LRRTM4: variants seen among roughly 807,000 people sequenced by gnomAD.
The protein encoded by LRRTM4 is leucine-rich repeat transmembrane neuronal protein 4.
In LRRTM4, 25 loss-of-function variants were observed where a neutral mutation model predicts 47.6. That is an observed-to-expected ratio of 0.53 (90% CI 0.38 to 0.73). The LOEUF (loss-of-function observed/expected upper bound fraction) is 0.73. Among genes scored for constraint, LRRTM4 ranks in the 30% least tolerant of loss-of-function variants. The pLI, the probability that LRRTM4 is intolerant of heterozygous loss-of-function variation, is 0.00. For missense variants in LRRTM4, 638 were observed against 713.4 expected (o/e 0.89, Z 1.20); for synonymous variants, 311 against 269.5 (o/e 1.15, Z -1.51).
chr2:77,124,215 A>T (rs2103961700), intron 3 of LRRTM4, among the ~76,000 whole-genome samples: 1 of 152,276 alleles, frequency 6.6e-6, no homozygotes, highest in African/African-American at 2.4e-5. Context: ...AAAAAAACAA[A>T]GAGATCCAAA....
At chr2:76,796,156 G>C (rs1230963251) in intron 3 of LRRTM4, among the ~76,000 whole-genome samples, 3 of 144,202 alleles carry the variant, frequency 2.1e-5, no homozygotes, top group Admixed American at 6.9e-5. Context: ...CACATGGCTC[G>C]CAGGGTCCTA....
At chr2:77,362,157 GAAAGA>G (rs927275254) in intron 3 of LRRTM4, among the ~76,000 whole-genome samples, 3 of 151,494 alleles carry the variant, frequency 2.0e-5, no homozygotes, top group East Asian at 3.9e-4. Context: ...AAGAAAGAAA[GAAAGA>G]AAGAAAGAAA....
intron 3 of LRRTM4, among the ~76,000 whole-genome samples, chr2:77,342,731 T>C (rs1671417673): frequency 6.6e-6 from 1 of 151,936 alleles, no homozygotes; most frequent in Non-Finnish European, 1.5e-5. Flanking sequence ...GTTTTGTTTG[T>C]TTGATTTTCC....
intron 3 of LRRTM4, among the ~76,000 whole-genome samples, chr2:76,795,365 C>T (rs954491181): frequency 6.9e-6 from 1 of 145,710 alleles, no homozygotes; most frequent in Non-Finnish European, 1.5e-5. Flanking sequence ...TGAATTTAAC[C>T]AACTTTATAT....
At chr2:77,072,970 T>C (rs187231435) in intron 3 of LRRTM4, among the ~76,000 whole-genome samples, 95 of 152,276 alleles carry the variant, frequency 6.2e-4, no homozygotes, top group Non-Finnish European at 3.1e-4. Context: ...GCACACTATA[T>C]AGATTGTTGC....
intron 3 of LRRTM4, among the ~76,000 whole-genome samples, chr2:77,479,734 C>CTCTCTT (rs375901673): frequency 9.9e-5 from 15 of 151,496 alleles, no homozygotes; most frequent in Non-Finnish European, 1.8e-4. Context: ...CTCTCCATCT[C>CTCTCTT]TCTCTTTCTC....
intron 3 of LRRTM4, among the ~76,000 whole-genome samples, chr2:76,790,740 TCAGTATCTTC>T (rs1674929156): frequency 6.6e-6 from 1 of 151,198 alleles, no homozygotes; most frequent in South Asian, 2.1e-4. Context: ...AGGCAAAATG[TCAGTATCTTC>T]CAGTTGATGT....
intron 3 of LRRTM4, among the ~76,000 whole-genome samples, chr2:77,085,723 C>G (rs1680688775): frequency 6.6e-6 from 1 of 152,170 alleles, no homozygotes. Context: ...AAAGTGGTGT[C>G]ATATTCTATG....
chr2:77,013,184 G>A (rs1281194740), intron 3 of LRRTM4, among the ~76,000 whole-genome samples: 1 of 152,146 alleles, frequency 6.6e-6, no homozygotes, highest in Admixed American at 6.5e-5. Context: ...AGGAGGGAAA[G>A]GTATAACCAC....
At chr2:77,093,918 C>T (rs904590476) in intron 3 of LRRTM4, among the ~76,000 whole-genome samples, 9 of 150,966 alleles carry the variant, frequency 6.0e-5, no homozygotes, top group Non-Finnish European at 1.3e-4. Flanking sequence ...CCTTGCGACC[C>T]CCACTCCTGC....
chr2:76,927,042 G>A (rs1674610198), intron 3 of LRRTM4, among the ~76,000 whole-genome samples: 1 of 152,092 alleles, frequency 6.6e-6, no homozygotes, highest in East Asian at 1.9e-4. Context: ...TTGCAAATAG[G>A]CAATTCTCTA....
At chr2:76,956,224 A>C (rs892485532) in intron 3 of LRRTM4, among the ~76,000 whole-genome samples, 1 of 151,818 alleles carries the variant, frequency 6.6e-6, no homozygotes, top group Non-Finnish European at 1.5e-5. Context: ...CAAATTTAAG[A>C]AGACTGGCAT....
At chr2:76,974,922 T>C (rs76150006) in intron 3 of LRRTM4, among the ~76,000 whole-genome samples, 14,615 of 151,674 alleles carry the variant, frequency 0.096, 1,048 homozygotes, top group East Asian at 0.38. Flanking sequence ...AATAATAATA[T>C]CTTTTTTCTC....
chr2:77,417,665 A>C (rs1334239568), intron 3 of LRRTM4, among the ~76,000 whole-genome samples: 2 of 151,904 alleles, frequency 1.3e-5, no homozygotes, highest in Non-Finnish European at 2.9e-5. Flanking sequence ...TCACAAGGAC[A>C]AAAAACCAAG....
intron 3 of LRRTM4, among the ~76,000 whole-genome samples, chr2:77,505,392 T>G (rs915516127): frequency 2.0e-5 from 3 of 151,468 alleles, no homozygotes; most frequent in Admixed American, 1.3e-4. Flanking sequence ...AAAAACAGTG[T>G]TTTCCTAGTT....
rs10527679 is a variant in LRRTM4, at chr2:77,285,340, T to TTATA, written c.1551+232974_1551+232977dup. ...AAATTAATTCTACTCAGCATTAAAT[T>TTATA]TATATATATATATATATATATATGG... On this transcript the variant is annotated intron_variant, in intron 3 of 3. Transcript: ENST00000409884. Among the ~76,000 whole-genome samples the TTATA allele has an allele frequency of 3.0e-3, 245 of 82,600 alleles. 16 individuals are homozygous for TTATA. The highest frequency in any genetic ancestry group is 7.5e-3 in the African/African-American group (178 of 23,862). 54.2% of individuals were successfully genotyped at this position (82,600 alleles called of 152,430 possible).
intron 3 of LRRTM4, among the ~76,000 whole-genome samples, chr2:77,511,869 G>A (rs999722814): frequency 5.3e-5 from 8 of 152,140 alleles, no homozygotes; most frequent in African/African-American, 1.9e-4. Flanking sequence ...TAAATCAAAT[G>A]ACTTTGCTGT....
chr2:76,768,581 C>T (rs1422563215), intron 3 of LRRTM4, among the ~76,000 whole-genome samples: 1 of 152,066 alleles, frequency 6.6e-6, no homozygotes, highest in East Asian at 1.9e-4. Flanking sequence ...GAAAGCACAA[C>T]ATAAATGTCC....
intron 3 of LRRTM4, among the ~76,000 whole-genome samples, chr2:77,469,739 AT>A (rs58865605): frequency 7.0e-4 from 2 of 2,862 alleles, no homozygotes; most frequent in Admixed American, 6.8e-3. Flanking sequence ...ATATATATAT[AT>A]AAACATATAT....
Sources: gnomAD v4.1 joint callset for allele counts (sites outside exome capture counted in the v4.1 genomes callset) on GRCh38, gnomAD v4.1.1 for gene constraint, MANE v1.5 for transcripts, NCBI Gene and HGNC (gene_info 2026-07-23, HGNC 2026-07-21) for gene names.